PDE1A: variants seen among roughly 807,000 people sequenced by gnomAD.
PDE1A encodes dual specificity calcium/calmodulin-dependent 3',5'-cyclic nucleotide phosphodiesterase 1A.
Under a neutral mutation model 61.7 loss-of-function variants are expected in PDE1A, and 35 were observed. The ratio of observed to expected loss-of-function variants is 0.57; its 90% CI spans 0.43 to 0.75. PDE1A has a LOEUF of 0.75. Among genes scored for constraint, PDE1A ranks in the 30% least tolerant of loss-of-function variants. The pLI is 0.00. For missense variants in PDE1A, 597 were observed against 630.6 expected (o/e 0.95, Z 0.57); for synonymous variants, 232 against 213.2 (o/e 1.09, Z -0.77).
At chr2:182,147,205 A>G in intron 13 of PDE1A, 53 bp from the exon 14 acceptor site, 1 of 1,067,602 alleles carries the variant, frequency 9.4e-7, no homozygotes, top group South Asian at 1.4e-5. Context: ...GCTTTGGAAA[A>G]AACTAATAAG....
At chr2:182,482,996 A>G (rs1687798284) in intron 2 of PDE1A, among the ~76,000 whole-genome samples, 1 of 151,990 alleles carries the variant, frequency 6.6e-6, no homozygotes, top group African/African-American at 2.4e-5. Context: ...AAAGGATGGA[A>G]AAAGCTATAC....
intron 2 of PDE1A, among the ~76,000 whole-genome samples, chr2:182,486,327 T>C (rs969784468): frequency 1.3e-5 from 2 of 152,078 alleles, no homozygotes; most frequent in African/African-American, 4.8e-5. Context: ...ATGGACATTA[T>C]ATGTTTATGA....
the PDE1A span, among the ~76,000 whole-genome samples, chr2:182,536,574 A>G: frequency 6.6e-6 from 1 of 152,230 alleles, no homozygotes; most frequent in Non-Finnish European, 1.5e-5. Context: ...GAAAACAGAA[A>G]ATAAATAGAG....
At chr2:182,198,517 C>T (rs1686329990) in intron 10 of PDE1A, among the ~76,000 whole-genome samples, 1 of 151,754 alleles carries the variant, frequency 6.6e-6, no homozygotes, top group Non-Finnish European at 1.5e-5. Flanking sequence ...TCTTCTACTT[C>T]TAGTTTACTA....
intron 2 of PDE1A, among the ~76,000 whole-genome samples, chr2:182,475,487 C>T (rs1466549290): frequency 6.6e-6 from 1 of 151,896 alleles, no homozygotes; most frequent in Non-Finnish European, 1.5e-5. Context: ...CAAGCAGCTC[C>T]AAAGGGCTGG....
At chr2:182,657,975 G>T in the PDE1A span, among the ~76,000 whole-genome samples, 1 of 143,294 alleles carries the variant, frequency 7.0e-6, no homozygotes, top group African/African-American at 2.6e-5. Flanking sequence ...ACCCTGCAAG[G>T]CAGTTGTGAG....
intron 2 of PDE1A, among the ~76,000 whole-genome samples, chr2:182,443,510 T>C (rs1278798144): frequency 1.3e-5 from 2 of 151,764 alleles, no homozygotes; most frequent in East Asian, 2.0e-4. Flanking sequence ...TGTGTTCTCA[T>C]ATATGATGGT....
At chr2:182,487,499 G>T (rs952655047) in intron 2 of PDE1A, among the ~76,000 whole-genome samples, 1 of 152,066 alleles carries the variant, frequency 6.6e-6, no homozygotes, top group African/African-American at 2.4e-5. Flanking sequence ...AACAAAACCT[G>T]TCAATCCACT....
chr2:182,162,583 T>C (rs1353086051), intron 13 of PDE1A, among the ~76,000 whole-genome samples: 3 of 152,134 alleles, frequency 2.0e-5, no homozygotes, highest in African/African-American at 7.2e-5. Context: ...GAGGAAAGAC[T>C]CTGGTGCACT....
chr2:182,207,086 AAAATGTGGAAGC>A (rs1687170326), intron 7 of PDE1A, among the ~76,000 whole-genome samples: 2 of 152,316 alleles, frequency 1.3e-5, no homozygotes, highest in South Asian at 4.1e-4. Context: ...AAGATACCTA[AAAATGTGGAAGC>A]AACTTTGGAA....
At chr2:182,197,308 C>T (rs1686212963) in intron 10 of PDE1A, among the ~76,000 whole-genome samples, 1 of 151,526 alleles carries the variant, frequency 6.6e-6, no homozygotes, top group South Asian at 2.1e-4. Context: ...GACACAAGTC[C>T]TTGGACAGAT....
Position 182,205,818 on chromosome 2 carries a change from G to T in PDE1A, c.902+122C>A, listed in dbSNP as rs186197742. On this transcript the variant is annotated intron_variant, in intron 8 of 13. Coordinates refer to ENST00000351439, the Ensembl canonical transcript of PDE1A. ...TAATCCTTCTCAGAGTCATCCAGTCGACAGTAATTAAGTTTGTAATTTGGG... is the reference window on the plus strand; with the variant it reads ...TAATCCTTCTCAGAGTCATCCAGTCTACAGTAATTAAGTTTGTAATTTGGG... 4 of 799,192 alleles carry T rather than the reference G, an allele frequency of 5.0e-6. No homozygotes were observed. The African/African-American group carries it at 5.2e-5, about 10-fold the overall frequency. The allele number at this position is 799,192 out of a possible 1,614,324, so 49.5% of individuals were successfully genotyped here. A position where few individuals can be genotyped will look rare whatever the true frequency, so the allele number is the denominator to read the frequency against.
chr2:182,172,072 G>A (rs1191888873), intron 13 of PDE1A, among the ~76,000 whole-genome samples: 1 of 151,922 alleles, frequency 6.6e-6, no homozygotes, highest in Non-Finnish European at 1.5e-5. Context: ...GAAACTTTTG[G>A]GGAACAACCC....
chr2:182,195,342 GGGAAGTA>G (rs1240498795), intron 10 of PDE1A, among the ~76,000 whole-genome samples: 1 of 151,958 alleles, frequency 6.6e-6, no homozygotes, highest in Non-Finnish European at 1.5e-5. Context: ...CAATCATCCT[GGGAAGTA>G]GGCAGGATGG....
At chr2:182,329,395 A>AT (rs955401484) in intron 1 of PDE1A, among the ~76,000 whole-genome samples, 175 of 148,894 alleles carry the variant, frequency 1.2e-3, no homozygotes, top group African/African-American at 3.6e-3. Context: ...TTATTTTATT[A>AT]TTTTTTTTTT....
At chr2:182,259,091 G>T (rs1056021407) in intron 2 of PDE1A, among the ~76,000 whole-genome samples, 1 of 152,098 alleles carries the variant, frequency 6.6e-6, no homozygotes, top group Non-Finnish European at 1.5e-5. Flanking sequence ...TAATTTCAAG[G>T]ATCTTAGCCT....
chr2:182,294,745 T>C (rs1351020834), intron 1 of PDE1A, among the ~76,000 whole-genome samples: 1 of 152,128 alleles, frequency 6.6e-6, no homozygotes, highest in East Asian at 1.9e-4. Context: ...CAATAGACTT[T>C]CTGTTTTAAA....
the PDE1A span, among the ~76,000 whole-genome samples, chr2:182,613,562 CAAA>C: frequency 5.3e-5 from 5 of 94,082 alleles, no homozygotes; most frequent in Non-Finnish European, 4.4e-5. Context: ...GACTCCATCT[CAAA>C]AAAAAAAAAA....
intron 1 of PDE1A, among the ~76,000 whole-genome samples, chr2:182,269,349 G>A (rs954963756): frequency 6.6e-6 from 1 of 151,812 alleles, no homozygotes; most frequent in South Asian, 2.1e-4. Context: ...TTAGCTGGGT[G>A]TGGTGGTGCA....
Sources: allele counts gnomAD v4.1 joint callset (sites outside exome capture counted in the v4.1 genomes callset), GRCh38; gene constraint gnomAD v4.1.1; transcripts MANE v1.5; gene names NCBI Gene and HGNC (gene_info 2026-07-23, HGNC 2026-07-21).